Variants in CASP4 observed in about 807,000 individuals in gnomAD.
CASP4 encodes caspase 4, also known as caspase-4.
CASP4 carries 29 observed loss-of-function variants against 41.3 expected under a neutral mutation model. The ratio of observed to expected loss-of-function variants is 0.70; its 90% CI spans 0.52 to 0.96. CASP4 has a LOEUF of 0.96. Among genes scored for constraint, CASP4 ranks in the 40% least tolerant of loss-of-function variants. The pLI is 0.00. For synonymous variants in CASP4, 185 were observed against 158.4 expected, an observed-to-expected ratio of 1.17 and a Z score of -1.26; for missense variants, 447 against 460.6, an observed-to-expected ratio of 0.97 and a Z score of 0.27.
At chr11:104,958,092 G>A (rs1860775370) in intron 1 of CASP4, among the ~76,000 whole-genome samples, 1 of 152,036 alleles carries the variant, frequency 6.6e-6, no homozygotes, top group African/African-American at 2.4e-5. Flanking sequence ...AAAACCACAT[G>A]CAGAAGAATA....
At chr11:104,964,104 A>C (rs1860921068) in intron 1 of CASP4, among the ~76,000 whole-genome samples, 1 of 152,224 alleles carries the variant, frequency 6.6e-6, no homozygotes, top group Non-Finnish European at 1.5e-5. Context: ...GATGCCACAG[A>C]AGTAAGCAAA....
chr11:104,964,849 T>C (rs1433629117), intron 1 of CASP4, among the ~76,000 whole-genome samples: 3 of 152,200 alleles, frequency 2.0e-5, no homozygotes, highest in Non-Finnish European at 4.4e-5. Flanking sequence ...AAAAGTCTTA[T>C]CTGAGATTCC....
At chr11:104,951,839 G>T in intron 3 of CASP4, 57 bp downstream of exon 3, 1 of 1,165,276 alleles carries the variant, frequency 8.6e-7, no homozygotes. Context: ...ATGGTGCACT[G>T]AAGGAAAGCA....
intron 1 of CASP4, among the ~76,000 whole-genome samples, chr11:104,963,247 T>G (rs1860901666): frequency 6.6e-6 from 1 of 152,200 alleles, no homozygotes; most frequent in African/African-American, 2.4e-5. Context: ...AACTGAATTA[T>G]TTTTCTCCAT....
At chr11:104,958,761 G>T (rs1426342856) in intron 1 of CASP4, among the ~76,000 whole-genome samples, 3 of 152,036 alleles carry the variant, frequency 2.0e-5, no homozygotes, top group Non-Finnish European at 4.4e-5. Flanking sequence ...AGTAGTTCTA[G>T]ACCAGGCTGG....
chr11:104,968,486 T>C (rs750907867), intron 1 of CASP4, 33 bp downstream of exon 1: 1 of 1,598,392 alleles, frequency 6.3e-7, no homozygotes. Context: ...TCTAAGTTCC[T>C]ACTCCCAAAC....
rs1456407202 is a variant in CASP4, at chr11:104,944,799, T to C, written c.1088A>G (p.Glu363Gly). 4 of 1,613,756 alleles carry C rather than the reference T, an allele frequency of 2.5e-6. No homozygotes were observed. In the South Asian group the frequency reaches 3.3e-5, roughly 13 times the overall value. ...GAAATATCTTGTCATGGACAGTCGT[T>C]CTATGGTGGGCATTTGAGCTTTGGC... ...PRAKAQMPTI[E>G]RLSMTRYFYL... The change falls in exon 8 of 9, where the codon GAA becomes GGA. Residue 363 changes from glutamate to glycine, a missense_variant. Physicochemically the swap from Glu to Gly is moderately conservative, Grantham distance 98 (BLOSUM62 -2). Transcript: ENST00000444739.
intron 4 of CASP4, 34 bp downstream of exon 4, chr11:104,950,891 A>G (rs760597101): frequency 6.3e-7 from 1 of 1,597,268 alleles, no homozygotes; most frequent in South Asian, 1.1e-5. Flanking sequence ...TGTCTTGAAT[A>G]TGTATGTGTT....
At chr11:104,959,327 C>T (rs1168214987) in intron 1 of CASP4, among the ~76,000 whole-genome samples, 1 of 152,010 alleles carries the variant, frequency 6.6e-6, no homozygotes, top group Non-Finnish European at 1.5e-5. Context: ...GTAAAATAAG[C>T]CAGGCCAGGC....
In CASP4 at chr11:104,955,379, C is replaced by G. The variant is rs193204872; in HGVS notation, c.8-378G>C. Among the ~76,000 whole-genome samples the G allele has an allele frequency of 2.8e-4, 42 of 152,058 alleles. No homozygotes were observed. In the East Asian group the frequency reaches 7.4e-3, roughly 27 times the overall value. On this transcript the variant is annotated intron_variant, in intron 1 of 8. Coordinates refer to ENST00000444739, the MANE Select transcript of CASP4 (RefSeq NM_001225.4). ...ATATATATTCCCGGGAAAGTCAATG[C>G]TCTTGTCTAGAATATAAATTCTTCC...
chr11:104,945,062 C>T (rs1288108298), intron 7 of CASP4, among the ~76,000 whole-genome samples: 1 of 152,148 alleles, frequency 6.6e-6, no homozygotes, highest in Non-Finnish European at 1.5e-5. Context: ...AAAATAAACA[C>T]CTCATGTCTA....
In CASP4 at chr11:104,948,667, C is replaced by T. The variant is rs1288580384; in HGVS notation, c.791G>A (p.Gly264Glu). The change falls in exon 6 of 9, where the codon GGG (glycine) becomes GAG (glutamate). Residue 264 changes from glycine (G) to glutamate (E), a missense_variant. Gly to Glu is a moderately conservative substitution (Grantham distance 98, BLOSUM62 -2). Transcript: ENST00000444739. ...IVQACRGANR[G>E]ELWVRDSPAS... is the part of the protein sequence containing the mutation. ...TGGAGAGTCTCTGACCCACAGTTCC[C>T]CACGGTTTGCTATGGAGACATTAAC... 16 of 1,602,308 alleles carry T rather than the reference C, an allele frequency of 1.0e-5. No homozygotes were observed. Among genetic ancestry groups the T allele is most frequent in the African/African-American group, 1.3e-5 (1 of 74,780 alleles).
In CASP4 at chr11:104,968,509, A is replaced by T; in HGVS notation, c.7+10T>A. On this transcript the variant is annotated intron_variant, in intron 1 of 8. Coordinates refer to ENST00000444739, the MANE Select transcript of CASP4 (RefSeq NM_001225.4). Reference sequence around the variant, plus strand: ...CCTACTCCCAAACTCCTAGTCAGAAAAGGACTCACCTGCCATAGGGAACAG... The same window carrying T: ...CCTACTCCCAAACTCCTAGTCAGAATAGGACTCACCTGCCATAGGGAACAG... 1 of 1,612,478 alleles carries T rather than the reference A, an allele frequency of 6.2e-7. No individual in the cohort carries two copies. Among genetic ancestry groups the T allele is most frequent in the Non-Finnish European group, 8.5e-7 (1 of 1,178,582 alleles).
intron 8 of CASP4, chr11:104,943,422 C>T (rs920303341): frequency 6.0e-6 from 1 of 165,464 alleles, no homozygotes; most frequent in Non-Finnish European, 1.3e-5. Context: ...ATAAGAACCA[C>T]ATTATTCACT....
At chr11:104,958,007 C>T (rs1256939313) in intron 1 of CASP4, among the ~76,000 whole-genome samples, 1 of 152,118 alleles carries the variant, frequency 6.6e-6, no homozygotes, top group Non-Finnish European at 1.5e-5. Flanking sequence ...ATTAATTTGA[C>T]TTTTCAACAA....
chr11:104,949,339 A>G (rs1860546440), intron 5 of CASP4: 1 of 589,880 alleles, frequency 1.7e-6, no homozygotes, highest in African/African-American at 1.9e-5. Context: ...CTTACTGTGG[A>G]TAAAATTGAA....
chr11:104,959,613 T>C (rs1222725658), intron 1 of CASP4, among the ~76,000 whole-genome samples: 1 of 152,204 alleles, frequency 6.6e-6, no homozygotes, highest in East Asian at 1.9e-4. Flanking sequence ...GACAATGAGA[T>C]ATCTCAACTA....
At chr11:104,951,337 T>C (rs928781383) in intron 3 of CASP4, 3 of 359,932 alleles carry the variant, frequency 8.3e-6, no homozygotes, top group Admixed American at 4.3e-5. Context: ...TCCCTTTTCT[T>C]CTTCACCTAC....
Position 104,944,729 on chromosome 11 carries a change from A to C in CASP4, c.*5+19T>G, listed in dbSNP as rs370296577. ...CTCTTATTTATTTCACATACCACCAACAACTCTCAATACTTAACCATTTTC... is the reference window on the plus strand; with the variant it reads ...CTCTTATTTATTTCACATACCACCACCAACTCTCAATACTTAACCATTTTC... On this transcript the variant is annotated intron_variant, in intron 8 of 8. Coordinates refer to ENST00000444739, the MANE Select transcript of CASP4 (RefSeq NM_001225.4). 6.9e-6 allele frequency: 10 copies of C among 1,454,560 alleles called. No individual in the cohort carries two copies. Among genetic ancestry groups the C allele is most frequent in the East Asian group, 2.3e-5 (1 of 44,106 alleles). 90.1% of individuals were successfully genotyped at this position (1,454,560 alleles called of 1,614,324 possible).
Sources: allele counts gnomAD v4.1 joint callset (sites outside exome capture counted in the v4.1 genomes callset), GRCh38; gene constraint gnomAD v4.1.1; transcripts MANE v1.5; gene names NCBI Gene and HGNC (gene_info 2026-07-23, HGNC 2026-07-21).